Variants in FHOD3 observed in about 807,000 individuals in gnomAD.
FHOD3 encodes FH1/FH2 domain-containing protein 3.
In FHOD3, 90 loss-of-function variants were observed where a neutral mutation model predicts 173.0. The ratio of observed to expected loss-of-function variants is 0.52; its 90% CI spans 0.44 to 0.62. FHOD3 has a LOEUF of 0.62. FHOD3 is among the 20% of genes least tolerant of loss of function. The pLI is 0.00. For synonymous variants in FHOD3, 828 were observed against 823.0 expected (o/e 1.01, Z -0.10); for missense variants, 1,945 against 2,034.7 (o/e 0.96, Z 0.85).
intron 5 of FHOD3, among the ~76,000 whole-genome samples, chr18:36,570,324 A>T (rs1457400343): frequency 6.6e-6 from 1 of 152,090 alleles, no homozygotes; most frequent in Admixed American, 6.5e-5. Context: ...TAAAAACCAC[A>T]AACTACCAAA....
At chr18:36,423,086 C>T (rs2050068098) in intron 3 of FHOD3, among the ~76,000 whole-genome samples, 1 of 136,344 alleles carries the variant, frequency 7.3e-6, no homozygotes, top group Non-Finnish European at 1.6e-5. Flanking sequence ...GTCCCCCTCA[C>T]CCTTGATTCC....
At position 36,744,171 on chromosome 18, in the gene FHOD3, G is replaced by C; in HGVS notation, c.4019G>C (p.Gly1340Ala). The C allele has an allele frequency of 5.6e-6, 9 of 1,613,830 alleles. No homozygotes were observed. The highest frequency in any genetic ancestry group is 7.6e-6 in the Non-Finnish European group (9 of 1,179,896). The change falls in exon 23 of 29, where the codon GGG becomes GCG. Residue 1340 changes from glycine (G) to alanine (A), a missense_variant. Coordinates refer to ENST00000590592, the MANE Select transcript of FHOD3 (RefSeq NM_001281740.3). ...AGCTCCGATCTGTACTCGGAGATCGGGGCCATCACCAGGTCAGCCAAGGTA... is the reference window on the plus strand; with the variant it reads ...AGCTCCGATCTGTACTCGGAGATCGCGGCCATCACCAGGTCAGCCAAGGTA... ...PDSSDLYSEI[G>A]AITRSAKVDF...
chr18:36,367,523 AAC>A (rs1388937454), intron 2 of FHOD3, among the ~76,000 whole-genome samples: 3 of 152,164 alleles, frequency 2.0e-5, no homozygotes, highest in Admixed American at 2.0e-4. Flanking sequence ...TTGCTGCAAA[AAC>A]ACAGACTCAA....
chr18:36,559,761 C>T (rs1169016319), intron 5 of FHOD3, among the ~76,000 whole-genome samples: 1 of 152,092 alleles, frequency 6.6e-6, no homozygotes, highest in Non-Finnish European at 1.5e-5. Context: ...CTTCCCTGTG[C>T]AAGTTGTATA....
chr18:36,337,284 T>C (rs2045371550), intron 1 of FHOD3, among the ~76,000 whole-genome samples: 1 of 152,146 alleles, frequency 6.6e-6, no homozygotes, highest in African/African-American at 2.4e-5. Flanking sequence ...GTATTTTTTG[T>C]TATAGAAATG....
In FHOD3 at chr18:36,718,721, G is replaced by A; in HGVS notation, c.3417+6G>A. ...AGGAACTGTCTGTCTCAAAGGTACT[G>A]CTAGTCTTCAGCATGCTTCTTGATT... On this transcript the variant is annotated splice_donor_region_variant and intron_variant, in intron 19 of 28. Coordinates refer to ENST00000590592, the MANE Select transcript of FHOD3 (RefSeq NM_001281740.3). The A allele has an allele frequency of 6.2e-7, 1 of 1,607,476 alleles. No homozygotes were observed. Among genetic ancestry groups the A allele is most frequent in the Non-Finnish European group, 8.5e-7 (1 of 1,175,912 alleles).
intron 3 of FHOD3, among the ~76,000 whole-genome samples, chr18:36,422,333 T>G (rs1310453723): frequency 6.6e-6 from 1 of 152,232 alleles, no homozygotes. Flanking sequence ...TCTTAACAGC[T>G]GAATAATATT....
At chr18:36,378,702 A>T (rs1186170974) in intron 3 of FHOD3, among the ~76,000 whole-genome samples, 1 of 151,800 alleles carries the variant, frequency 6.6e-6, no homozygotes, top group Non-Finnish European at 1.5e-5. Flanking sequence ...TTGTTTTGAG[A>T]CAAAGTTTTG....
intron 5 of FHOD3, among the ~76,000 whole-genome samples, chr18:36,520,117 C>G (rs2056203855): frequency 6.6e-6 from 1 of 151,986 alleles, no homozygotes; most frequent in African/African-American, 2.4e-5. Context: ...ACCACCATGG[C>G]TGGCTAATAT....
chr18:36,397,015 C>T (rs1394095186), intron 3 of FHOD3, among the ~76,000 whole-genome samples: 2 of 152,036 alleles, frequency 1.3e-5, no homozygotes, highest in Admixed American at 6.6e-5. Flanking sequence ...ATTACTGCTC[C>T]ACTATTTCTG....
chr18:36,777,576 T>A (rs997910793), intron 28 of FHOD3: 2 of 152,220 alleles, frequency 1.3e-5, no homozygotes, highest in African/African-American at 4.8e-5. Context: ...AGATATTTTA[T>A]CTTATTTACT....
At chr18:36,592,806 G>C (rs2059269897) in intron 6 of FHOD3, among the ~76,000 whole-genome samples, 1 of 152,182 alleles carries the variant, frequency 6.6e-6, no homozygotes, top group South Asian at 2.1e-4. Flanking sequence ...AAGGGGGTAA[G>C]CATGAATGAA....
chr18:36,689,769 T>C (rs915264785), intron 16 of FHOD3, among the ~76,000 whole-genome samples: 2 of 152,102 alleles, frequency 1.3e-5, no homozygotes, highest in Non-Finnish European at 2.9e-5. Flanking sequence ...AAGAAATGCT[T>C]TATAGCAAAC....
chr18:36,584,878 ACT>A (rs1469388194), intron 6 of FHOD3, among the ~76,000 whole-genome samples: 2 of 152,132 alleles, frequency 1.3e-5, no homozygotes, highest in Admixed American at 6.5e-5. Flanking sequence ...AAAATAACAT[ACT>A]CTCTTTGTAT....
At chr18:36,581,757 C>G (rs933040188) in intron 6 of FHOD3, among the ~76,000 whole-genome samples, 2 of 152,172 alleles carry the variant, frequency 1.3e-5, no homozygotes, top group African/African-American at 4.8e-5. Flanking sequence ...TGAGCCCACC[C>G]GCCAGCCACC....
At chr18:36,683,979 G>C (rs1361454451) in intron 15 of FHOD3, among the ~76,000 whole-genome samples, 1 of 152,298 alleles carries the variant, frequency 6.6e-6, no homozygotes, top group East Asian at 1.9e-4. Flanking sequence ...AACCCAAGGA[G>C]CCAGAAAGTG....
chr18:36,380,508 C>A (rs968512954), intron 3 of FHOD3, among the ~76,000 whole-genome samples: 2 of 149,096 alleles, frequency 1.3e-5, no homozygotes, highest in Non-Finnish European at 3.0e-5. Flanking sequence ...TCCCTCCCTG[C>A]CTCCTTTCCT....
intron 6 of FHOD3, among the ~76,000 whole-genome samples, chr18:36,584,197 A>C (rs775830847): frequency 3.2e-4 from 48 of 152,022 alleles, no homozygotes; most frequent in Admixed American, 8.5e-4. Context: ...ATGATAGTCC[A>C]TTGCTGGCCT....
intron 17 of FHOD3, among the ~76,000 whole-genome samples, chr18:36,699,687 C>G (rs1024734061): frequency 2.0e-5 from 3 of 152,208 alleles, no homozygotes; most frequent in African/African-American, 7.2e-5. Context: ...ATCTTTGGAA[C>G]ACATTTGTTC....
Sources: gnomAD v4.1 joint callset for allele counts (sites outside exome capture counted in the v4.1 genomes callset) on GRCh38, gnomAD v4.1.1 for gene constraint, MANE v1.5 for transcripts, NCBI Gene and HGNC (gene_info 2026-07-23, HGNC 2026-07-21) for gene names.